The following ERBIN variants were observed in gnomAD, a reference collection of about 807,000 sequenced individuals.
ERBIN encodes the protein erbb2 interacting protein.
A neutral mutation model predicts 158.4 loss-of-function variants in ERBIN; 60 were observed. That is an observed-to-expected ratio of 0.38 (90% confidence interval 0.31 to 0.47). The LOEUF (loss-of-function observed/expected upper bound fraction) is 0.47. Ranked by LOEUF, ERBIN falls within the 20% of genes least tolerant of loss-of-function variation. The probability of loss-of-function intolerance (pLI) is 0.99; values close to 1 mark genes in which losing one functional copy is unlikely to be tolerated. For missense variants in ERBIN, 1,610 were observed against 1,648.0 expected, an observed-to-expected ratio of 0.98 and a Z score of 0.40; for synonymous variants, 594 against 557.2, an observed-to-expected ratio of 1.07 and a Z score of -0.93.
chr5:66,065,853 C>T (rs1185860290), intron 21 of ERBIN, among the ~76,000 whole-genome samples: 1 of 152,056 alleles, frequency 6.6e-6, no homozygotes, highest in African/African-American at 2.4e-5. Flanking sequence ...CTGTTACTTC[C>T]TGAGCAGATA....
intron 21 of ERBIN, among the ~76,000 whole-genome samples, chr5:66,059,852 A>C (rs1760060747): frequency 6.6e-6 from 1 of 152,016 alleles, no homozygotes. Context: ...ATTGATTTTC[A>C]TATGTTGAAC....
At chr5:66,022,168 A>C (rs913055856) in intron 8 of ERBIN, among the ~76,000 whole-genome samples, 5 of 152,254 alleles carry the variant, frequency 3.3e-5, no homozygotes, top group Middle Eastern at 6.8e-3. Flanking sequence ...AGGTTTGAGG[A>C]GGAACATGGT....
rs144105408 is a variant in ERBIN, at chr5:65,994,602, G to A, written c.190-145G>A. The A allele has an allele frequency of 2.3e-3, 1,245 of 547,272 alleles. 20 individuals carry two copies. Among genetic ancestry groups the A allele is most frequent in the African/African-American group, 0.022 (1,134 of 51,412 alleles). 33.9% of individuals were successfully genotyped at this position (547,272 alleles called of 1,614,324 possible). A position where few individuals can be genotyped will look rare whatever the true frequency, so the allele number is the denominator to read the frequency against. On this transcript the variant is annotated intron_variant, in intron 3 of 25. Transcript: ENST00000284037. ...TTCAGTTGTATTCATATCCATAATA[G>A]CATAACCAGAACAATGAGGCATCTT...
intron 19 of ERBIN, 94 bp from the exon 20 acceptor site, chr5:66,050,689 C>G (rs1758929381): frequency 1.4e-6 from 1 of 710,538 alleles, no homozygotes; most frequent in Non-Finnish European, 2.3e-6. Flanking sequence ...ATATATAGAA[C>G]CAGGATGGTA....
intron 14 of ERBIN, among the ~76,000 whole-genome samples, chr5:66,034,412 C>G (rs1757189455): frequency 6.6e-6 from 1 of 151,856 alleles, no homozygotes; most frequent in Non-Finnish European, 1.5e-5. Context: ...GCCTCAGCCT[C>G]TTGAGTAGTT....
At chr5:65,972,464 G>C (rs998725725) in intron 1 of ERBIN, among the ~76,000 whole-genome samples, 1 of 151,424 alleles carries the variant, frequency 6.6e-6, no homozygotes, top group African/African-American at 2.5e-5. Flanking sequence ...GGAGTGCCAT[G>C]TATGTGAATG....
intron 18 of ERBIN, among the ~76,000 whole-genome samples, chr5:66,048,406 C>T (rs539517503): frequency 2.6e-5 from 4 of 151,746 alleles, no homozygotes; most frequent in Admixed American, 6.6e-5. Flanking sequence ...AGATGCAGCA[C>T]GTGAACATCT....
chr5:65,926,892 C>T (rs893057770), intron 1 of ERBIN, 86 bp downstream of exon 1: 1 of 152,096 alleles, frequency 6.6e-6, no homozygotes, highest in African/African-American at 2.4e-5. Flanking sequence ...GTGTTTTTCA[C>T]TCTTCTCCAA....
At chr5:65,985,022 G>A (rs1467347143) in intron 1 of ERBIN, among the ~76,000 whole-genome samples, 1 of 152,158 alleles carries the variant, frequency 6.6e-6, no homozygotes, top group Non-Finnish European at 1.5e-5. Context: ...AGTGGCTATG[G>A]TATAGATGAA....
intron 1 of ERBIN, among the ~76,000 whole-genome samples, chr5:65,931,004 GAAAAGGAGAATATCTAAAAATTCACTT>G: frequency 1.4e-5 from 2 of 140,998 alleles, no homozygotes; most frequent in African/African-American, 6.5e-5. Context: ...GAAGACGATA[GAAAAGGAGAATATCTAAAAATTCACTT>G]TGTGGAAGAC....
intron 1 of ERBIN, among the ~76,000 whole-genome samples, chr5:65,977,780 C>T (rs892096144): frequency 3.9e-5 from 6 of 152,338 alleles, no homozygotes; most frequent in Admixed American, 3.3e-4. Context: ...GCTGCAATCT[C>T]GGCACTTCGG....
chr5:66,005,404 G>A (rs1310959095), intron 4 of ERBIN, among the ~76,000 whole-genome samples: 1 of 152,150 alleles, frequency 6.6e-6, no homozygotes, highest in Non-Finnish European at 1.5e-5. Context: ...GTTGTTCATA[G>A]GGGTCTGGAG....
At chr5:65,936,692 A>AT (rs1182728994) in intron 1 of ERBIN, among the ~76,000 whole-genome samples, 1 of 152,180 alleles carries the variant, frequency 6.6e-6, no homozygotes, top group African/African-American at 2.4e-5. Context: ...AGGGCTTTTG[A>AT]TAGGCAGAGG....
Position 66,032,566 on chromosome 5 carries a change from C to T in ERBIN, c.1206+4223C>T, listed in dbSNP as rs987990097. ...GAAGTGATTTTTATGATAGATAATACGGAAACCAGTGTAACATTGAACAGG... is the reference window on the plus strand; with the variant it reads ...GAAGTGATTTTTATGATAGATAATATGGAAACCAGTGTAACATTGAACAGG... On this transcript the variant is annotated intron_variant, in intron 14 of 25. Transcript: ENST00000284037. Among the ~76,000 whole-genome samples, 10 of 152,254 alleles carry T rather than the reference C, an allele frequency of 6.6e-5. No homozygotes were observed. The East Asian group carries it at 9.6e-4, about 15-fold the overall frequency.
intron 21 of ERBIN, among the ~76,000 whole-genome samples, chr5:66,064,481 T>C (rs1175397732): frequency 6.6e-6 from 1 of 152,202 alleles, no homozygotes; most frequent in African/African-American, 2.4e-5. Context: ...TAAGGAAATT[T>C]AGGCACAGAA....
chr5:65,985,559 T>G (rs1039162101), intron 1 of ERBIN, among the ~76,000 whole-genome samples: 1 of 152,198 alleles, frequency 6.6e-6, no homozygotes, highest in Non-Finnish European at 1.5e-5. Flanking sequence ...ATGAGCAGCT[T>G]TTTAAATTGG....
At chr5:65,980,801 G>C (rs1580239662) in intron 1 of ERBIN, among the ~76,000 whole-genome samples, 1 of 151,886 alleles carries the variant, frequency 6.6e-6, no homozygotes, top group East Asian at 1.9e-4. Context: ...ACTGTATAAT[G>C]AATCTCCAAC....
rs753384429 is a variant in ERBIN at position 66,024,376 on chromosome 5, G to A, written c.743G>A (p.Gly248Glu). ...SKNNIEMVEE[G>E]ISTCENLQDL... ...AATAATATTGAAATGGTTGAAGAAG[G>A]AATTTCAACATGTGAAAACCTTCAA... Residue 248 changes from glycine (G) to glutamate (E), a missense_variant, in exon 10 of 26, where the codon GGA (glycine) becomes GAA (glutamate). Physicochemically the swap from Gly to Glu is moderately conservative, Grantham distance 98. Coordinates refer to ENST00000284037, the MANE Select transcript of ERBIN (RefSeq NM_001253697.2). 6.2e-7 allele frequency: 1 copy of A among 1,602,994 alleles called. No homozygotes were observed. The highest frequency in any genetic ancestry group is 1.1e-5 in the South Asian group (1 of 89,118).
chr5:65,944,569 T>C (rs758005647), intron 1 of ERBIN, among the ~76,000 whole-genome samples: 4 of 152,080 alleles, frequency 2.6e-5, no homozygotes, highest in Non-Finnish European at 5.9e-5. Flanking sequence ...CCTACCTGGA[T>C]AATTTTTGTA....
Sources: allele counts gnomAD v4.1 joint callset (sites outside exome capture counted in the v4.1 genomes callset), GRCh38; gene constraint gnomAD v4.1.1; transcripts MANE v1.5; gene names NCBI Gene and HGNC (gene_info 2026-07-23, HGNC 2026-07-21).